The following ZNF469 variants were observed in gnomAD, a reference collection of about 807,000 sequenced individuals.
ZNF469 encodes the protein zinc finger protein 469.
A neutral mutation model predicts 1.0 loss-of-function variants in ZNF469; 1 was observed. That is an observed-to-expected ratio of 1.00 (90% CI 0.35 to 4.73). The LOEUF (loss-of-function observed/expected upper bound fraction) is 4.73. ZNF469 is among the 30% of genes most tolerant of loss of function. ZNF469 has a pLI of 0.16. For synonymous variants in ZNF469, 2,703 were observed against 2,363.4 expected (o/e 1.14, Z -4.17); for missense variants, 6,100 against 5,356.3 (o/e 1.14, Z -4.33).
the ZNF469 span, among the ~76,000 whole-genome samples, chr16:88,231,367 G>A: frequency 3.2e-3 from 491 of 152,332 alleles, no homozygotes; most frequent in African/African-American, 0.011. The surrounding 1 kb of genome is among the most constrained non-coding windows in gnomAD (Gnocchi z 4.5). Flanking sequence ...CCCTAAGCCT[G>A]AAGGCTGGGG....
At chr16:88,268,555 C>A in the ZNF469 span, among the ~76,000 whole-genome samples, 35 of 152,290 alleles carry the variant, frequency 2.3e-4, no homozygotes, top group East Asian at 5.2e-3. Flanking sequence ...CGTTTTTCTC[C>A]TGGGTAGAGT....
chr16:88,111,142 C>T, the ZNF469 span, among the ~76,000 whole-genome samples: 5 of 152,246 alleles, frequency 3.3e-5, no homozygotes, highest in Non-Finnish European at 5.9e-5. Context: ...CAAACCATTT[C>T]CTGCAGCGAT....
upstream of ZNF469, among the ~76,000 whole-genome samples, chr16:88,380,996 A>G (rs2092521778): frequency 7.0e-6 from 1 of 142,752 alleles, no homozygotes; most frequent in South Asian, 2.4e-4. Context: ...TCACACAGAC[A>G]TGCACTCACA....
the ZNF469 span, among the ~76,000 whole-genome samples, chr16:88,135,583 G>A: frequency 5.4e-4 from 82 of 152,208 alleles, no homozygotes; most frequent in African/African-American, 2.0e-3. Flanking sequence ...AGCTGTTGGT[G>A]AGGAGCACCC....
the ZNF469 span, among the ~76,000 whole-genome samples, chr16:88,338,990 A>T: frequency 6.6e-6 from 1 of 151,780 alleles, no homozygotes; most frequent in Non-Finnish European, 1.5e-5. Context: ...GAGAACCCAC[A>T]TCACACTTGA....
Position 88,436,625 on chromosome 16 carries a change from A to G in ZNF469, c.9155A>G (p.Lys3052Arg). 6.5e-7 allele frequency: 1 copy of G among 1,550,384 alleles called. No homozygotes were observed. The highest frequency in any genetic ancestry group is 8.7e-7 in the Non-Finnish European group (1 of 1,146,968). Residue 3052 changes from lysine to arginine, a missense_variant, in exon 3 of 3, where the codon AAG (lysine) becomes AGG (arginine). Lys to Arg is a conservative substitution (Grantham distance 26). Coordinates refer to ENST00000565624, the MANE Select transcript of ZNF469 (RefSeq NM_001367624.2). ...ACGGACTTTGAGGTGCTCAGCACCA[A>G]GTTTGAGATGCAAGACCTGTGCTTT... Reference protein sequence around the residue: ...RATDFEVLSTKFEMQDLCFLG... With the variant: ...RATDFEVLSTRFEMQDLCFLG...
the ZNF469 span, among the ~76,000 whole-genome samples, chr16:88,372,033 CACTACCATT>C: frequency 1.3e-5 from 2 of 149,616 alleles, no homozygotes; most frequent in African/African-American, 4.9e-5. Flanking sequence ...TCATCACCAT[CACTACCATT>C]ACCATCACCA....
At chr16:88,413,173 C>A (rs1009569651) in intron 1 of ZNF469, among the ~76,000 whole-genome samples, 1 of 152,252 alleles carries the variant, frequency 6.6e-6, no homozygotes, top group East Asian at 1.9e-4. Flanking sequence ...GGTCCCCGCA[C>A]GCACGTGATA....
chr16:88,391,458 G>A (rs558589602), intron 1 of ZNF469, among the ~76,000 whole-genome samples: 2 of 152,158 alleles, frequency 1.3e-5, no homozygotes, highest in South Asian at 2.1e-4. Flanking sequence ...CAGGGCCATC[G>A]TTTTGGACAG....
chr16:88,430,420 G>A lies in ZNF469; in HGVS notation c.2950G>A (p.Asp984Asn), dbSNP rs768917926. The A allele has an allele frequency of 1.3e-6, 2 of 1,520,154 alleles. No individual in the cohort carries two copies. Among genetic ancestry groups the A allele is most frequent in the South Asian group, 1.2e-5 (1 of 82,778 alleles). The allele number at this position is 1,520,154 out of a possible 1,614,324, so 94.2% of individuals were successfully genotyped here. ...RASGLRPRRN[D>N]GLGERPPPRP... ...CTCCGGCCTGAGGCCCCGGAGGAACGACGGTCTCGGGGAGCGGCCCCCACC... is the reference window on the plus strand; with the variant it reads ...CTCCGGCCTGAGGCCCCGGAGGAACAACGGTCTCGGGGAGCGGCCCCCACC... Residue 984 changes from aspartate (D) to asparagine (N), a missense_variant, in exon 3 of 3, where the codon GAC (aspartate) becomes AAC (asparagine). By Grantham distance (23) the Asp-to-Asn change is conservative. Transcript: ENST00000565624.
rs564844058 is a variant in ZNF469 at position 88,438,144 on chromosome 16, C to T, written c.10674C>T (p.Phe3558=). ...GTCCCCCGCCGTCTCTGTCTCCCTTCCCAGCTGCCTTGGCTGATGGCAGAG... is the reference window on the plus strand; with the variant it reads ...GTCCCCCGCCGTCTCTGTCTCCCTTTCCAGCTGCCTTGGCTGATGGCAGAG... The part of the protein sequence containing the change: ...QECPPPSLSP[F]PAALADGRGD... Residue 3558 remains phenylalanine, a synonymous_variant, in exon 3 of 3, where the codon TTC becomes TTT. Coordinates refer to ENST00000565624, the MANE Select transcript of ZNF469 (RefSeq NM_001367624.2). 15 of 1,550,364 alleles carry T rather than the reference C, an allele frequency of 9.7e-6. No individual in the cohort carries two copies. The highest frequency in any genetic ancestry group is 1.4e-5 in the African/African-American group (1 of 73,190).
At chr16:88,291,387 A>G in the ZNF469 span, among the ~76,000 whole-genome samples, 28 of 152,280 alleles carry the variant, frequency 1.8e-4, no homozygotes, top group East Asian at 4.8e-3. Context: ...TCGGACGTAG[A>G]AGCAGCTTTA....
At chr16:88,320,042 G>A in the ZNF469 span, among the ~76,000 whole-genome samples, 11 of 152,182 alleles carry the variant, frequency 7.2e-5, no homozygotes, top group African/African-American at 1.2e-4. Context: ...GTCCAACAGC[G>A]GGGGATAATT....
the ZNF469 span, among the ~76,000 whole-genome samples, chr16:88,230,015 G>A: frequency 8.5e-5 from 13 of 152,270 alleles, no homozygotes; most frequent in South Asian, 6.2e-4. Flanking sequence ...CTTTCTGTCC[G>A]GTCCTCATCC....
intron 1 of ZNF469, among the ~76,000 whole-genome samples, chr16:88,397,084 A>G (rs72805327): frequency 0.12 from 17,432 of 150,930 alleles, 1,219 homozygotes; most frequent in African/African-American, 0.19. Flanking sequence ...GAGGCCAGGC[A>G]GAGACCCTGC....
At chr16:88,355,754 G>A in the ZNF469 span, among the ~76,000 whole-genome samples, 1 of 152,318 alleles carries the variant, frequency 6.6e-6, no homozygotes, top group East Asian at 1.9e-4. Flanking sequence ...ACCCAGCATG[G>A]CGACAGCTCT....
chr16:88,439,525 C>A lies in ZNF469; in HGVS notation c.*193C>A. ...CAGGTGGGCAGCATTCCCTTTCTTG[C>A]TGGAAGGCTGGGGGTGAAAGACGGG... On this transcript the variant is annotated 3_prime_UTR_variant, in exon 3 of 3. Transcript: ENST00000565624. The A allele has an allele frequency of 1.5e-6, 1 of 652,064 alleles. No individual in the cohort carries two copies. The highest frequency in any genetic ancestry group is 2.6e-6 in the Non-Finnish European group (1 of 381,420). The allele number at this position is 652,064 out of a possible 1,614,324, so 40.4% of individuals were successfully genotyped here. A position where few individuals can be genotyped will look rare whatever the true frequency, so the allele number is the denominator to read the frequency against.
At chr16:88,359,967 T>G in the ZNF469 span, among the ~76,000 whole-genome samples, 1 of 152,200 alleles carries the variant, frequency 6.6e-6, no homozygotes, top group African/African-American at 2.4e-5. Context: ...TACTTCAACA[T>G]GTACATCATT....
chr16:88,408,603 C>G (rs2142281002), intron 1 of ZNF469, among the ~76,000 whole-genome samples: 1 of 152,262 alleles, frequency 6.6e-6, no homozygotes, highest in Middle Eastern at 3.4e-3. Flanking sequence ...CCCTCCCAGA[C>G]TGCCAACGAC....
Sources: gnomAD v4.1 joint callset for allele counts (sites outside exome capture counted in the v4.1 genomes callset) on GRCh38, gnomAD v4.1.1 for gene constraint, Gnocchi (gnomAD v3.1) non-coding constraint, MANE v1.5 for transcripts, NCBI Gene and HGNC (gene_info 2026-07-23, HGNC 2026-07-21) for gene names.